PPDPFL: variants seen among roughly 807,000 people sequenced by gnomAD.
PPDPFL encodes pancreatic progenitor cell differentiation and proliferation factor like.
In PPDPFL, 12 loss-of-function variants were observed where a neutral mutation model predicts 12.6. The observed-to-expected ratio is 0.95, with a 90% CI of 0.61 to 1.54. The LOEUF (loss-of-function observed/expected upper bound fraction) is 1.54. PPDPFL is among the 40% of genes most tolerant of loss of function. The pLI is 0.00. For missense variants in PPDPFL, 114 were observed against 96.0 expected (o/e 1.19, Z -0.78); for synonymous variants, 24 against 32.7 (o/e 0.73, Z 0.91).
upstream of PPDPFL, among the ~76,000 whole-genome samples, chr8:49,069,382 G>C (rs73579377): frequency 0.067 from 10,247 of 152,198 alleles, 1,032 homozygotes; most frequent in African/African-American, 0.22. Flanking sequence ...TGCATAGAAA[G>C]CCACTTCCAT....
upstream of PPDPFL, among the ~76,000 whole-genome samples, chr8:49,071,737 A>T (rs1808395437): frequency 6.6e-6 from 1 of 152,170 alleles, no homozygotes. Flanking sequence ...CTTTTGTATC[A>T]GTAAATGATA....
intron 1 of PPDPFL, among the ~76,000 whole-genome samples, chr8:49,066,117 C>T (rs935288984): frequency 2.0e-5 from 3 of 152,230 alleles, no homozygotes; most frequent in African/African-American, 7.2e-5. Context: ...ACGCATTTCT[C>T]ACAGTTCACT....
intron 1 of PPDPFL, among the ~76,000 whole-genome samples, chr8:49,061,859 G>A (rs928137660): frequency 2.0e-5 from 3 of 152,204 alleles, no homozygotes; most frequent in Non-Finnish European, 1.5e-5. Flanking sequence ...GCAAAAACCA[G>A]ACACTGAGAT....
At chr8:49,071,918 C>T (rs1808398335), upstream of PPDPFL, among the ~76,000 whole-genome samples, 2 of 152,138 alleles carry the variant, frequency 1.3e-5, no homozygotes. Context: ...CCGCTTTGAC[C>T]GTGGGACTCT....
At chr8:49,061,237 G>C (rs890231577) in intron 1 of PPDPFL, among the ~76,000 whole-genome samples, 2 of 152,136 alleles carry the variant, frequency 1.3e-5, no homozygotes, top group Non-Finnish European at 2.9e-5. Flanking sequence ...ATTAAAATGA[G>C]CTTATTAGGG....
At chr8:49,064,461 G>A (rs984092786) in intron 1 of PPDPFL, among the ~76,000 whole-genome samples, 1 of 152,030 alleles carries the variant, frequency 6.6e-6, no homozygotes, top group African/African-American at 2.4e-5. Context: ...CTGAGCCCCT[G>A]AGGAGATGCT....
At chr8:49,065,929 G>A (rs191889611) in intron 1 of PPDPFL, among the ~76,000 whole-genome samples, 119 of 152,276 alleles carry the variant, frequency 7.8e-4, no homozygotes, top group African/African-American at 2.4e-3. Flanking sequence ...AACATGATAC[G>A]GCCTAGAAAG....
chr8:49,061,847 G>A (rs1464983216), intron 1 of PPDPFL, among the ~76,000 whole-genome samples: 3 of 152,128 alleles, frequency 2.0e-5, no homozygotes, highest in East Asian at 1.9e-4. Flanking sequence ...AGGCCTCTCC[G>A]GGCAAAAACC....
chr8:49,060,350 G>A (rs1211158870), intron 1 of PPDPFL, among the ~76,000 whole-genome samples: 1 of 152,090 alleles, frequency 6.6e-6, no homozygotes, highest in African/African-American at 2.4e-5. Flanking sequence ...TTTCGGTCTT[G>A]TTGACCAGGC....
intron 2 of PPDPFL, 32 bp downstream of exon 2, chr8:49,072,917 A>G (rs771453697): frequency 1.0e-5 from 16 of 1,563,758 alleles, no homozygotes; most frequent in Non-Finnish European, 1.4e-5. Context: ...ACGTCCCTAG[A>G]TAATATGATT....
chr8:49,066,001 C>A (rs950419875), intron 1 of PPDPFL, among the ~76,000 whole-genome samples: 3 of 152,228 alleles, frequency 2.0e-5, no homozygotes, highest in Admixed American at 6.5e-5. Flanking sequence ...CACAGTGTAG[C>A]TTCTTCCAAG....
intron 1 of PPDPFL, among the ~76,000 whole-genome samples, chr8:49,059,884 C>CT (rs1334124405): frequency 2.0e-5 from 3 of 152,052 alleles, no homozygotes; most frequent in African/African-American, 4.8e-5. Flanking sequence ...ATTTTGTTGT[C>CT]TTTTTTTTCT....
intron 1 of PPDPFL, among the ~76,000 whole-genome samples, chr8:49,056,765 T>G (rs563696196): frequency 5.3e-4 from 81 of 152,332 alleles, no homozygotes; most frequent in South Asian, 1.9e-3. Context: ...ACTAATCATT[T>G]CAATCCCTAA....
chr8:49,075,212 T>C lies in PPDPFL; in HGVS notation c.*39T>C, dbSNP rs989972321. Reference sequence around the variant, plus strand: ...CACTGCCATTTGATGAACATGTTGGTAACGGTTGCCTGCCTTATGTAGCAT... The same window carrying C: ...CACTGCCATTTGATGAACATGTTGGCAACGGTTGCCTGCCTTATGTAGCAT... On this transcript the variant is annotated 3_prime_UTR_variant, in exon 5 of 5. Coordinates refer to ENST00000522267, the MANE Select transcript of PPDPFL (RefSeq NM_001256597.2). 39 of 1,613,902 alleles carry C rather than the reference T, an allele frequency of 2.4e-5. No homozygotes were observed. Among genetic ancestry groups the C allele is most frequent in the Non-Finnish European group, 3.1e-5 (37 of 1,179,892 alleles).
At chr8:49,063,676 C>A (rs535814193) in intron 1 of PPDPFL, among the ~76,000 whole-genome samples, 7 of 151,888 alleles carry the variant, frequency 4.6e-5, no homozygotes, top group Admixed American at 4.6e-4. Flanking sequence ...AGAAATGGCA[C>A]CAGTGCACTC....
rs1808489699 is a variant in PPDPFL at position 49,075,804 on chromosome 8, A to G, written c.*631A>G. 6.5e-6 allele frequency: 1 copy of G among 153,772 alleles called. No homozygotes were observed. 9.5% of individuals were successfully genotyped at this position (153,772 alleles called of 1,614,324 possible). A position where few individuals can be genotyped will look rare whatever the true frequency, so the allele number is the denominator to read the frequency against. ...TCAATTGGTCATTGTATAGACTTTA[A>G]AATTTATGACTTTAAATAATATTTA... On this transcript the variant is annotated 3_prime_UTR_variant, in exon 5 of 5. Coordinates refer to ENST00000522267, the MANE Select transcript of PPDPFL (RefSeq NM_001256597.2).
At chr8:49,055,268 C>CA (rs1808095199) in intron 1 of PPDPFL, among the ~76,000 whole-genome samples, 1 of 152,104 alleles carries the variant, frequency 6.6e-6, no homozygotes, top group African/African-American at 2.4e-5. Context: ...TCAGAGTCAA[C>CA]AACAGTGGCT....
rs368669781 is a variant in PPDPFL, at chr8:49,074,559, G to GAAC, written c.233+226_233+227insAAC. On this transcript the variant is annotated intron_variant, in intron 4 of 4. Coordinates refer to ENST00000522267, the MANE Select transcript of PPDPFL (RefSeq NM_001256597.2). ...CCCTTTCCAGTTCAATCACTCAAGA[G>GAAC]TGGTGGAGAAGTCATATGCCAAACT... 1.2e-4 allele frequency: 188 copies of GAAC among 1,536,546 alleles called. 1 individual carries two copies. In the South Asian group the frequency reaches 2.1e-3, roughly 17 times the overall value.
At chr8:49,071,108 A>G (rs1808379631), upstream of PPDPFL, among the ~76,000 whole-genome samples, 1 of 152,166 alleles carries the variant, frequency 6.6e-6, no homozygotes, top group African/African-American at 2.4e-5. Flanking sequence ...TGTAAGTGGG[A>G]TCATGTAGCT....
Sources: gnomAD v4.1 joint callset for allele counts (sites outside exome capture counted in the v4.1 genomes callset) on GRCh38, gnomAD v4.1.1 for gene constraint, MANE v1.5 for transcripts, NCBI Gene and HGNC (gene_info 2026-07-23, HGNC 2026-07-21) for gene names.